WWC2: variants seen among roughly 807,000 people sequenced by gnomAD.
WWC2 encodes WW and C2 domain containing 2.
Under a neutral mutation model 138.5 loss-of-function variants are expected in WWC2, and 101 were observed. That is an observed-to-expected ratio of 0.73 (90% CI 0.62 to 0.86). The LOEUF is 0.86. Among genes scored for constraint, WWC2 ranks in the 40% least tolerant of loss-of-function variants. The probability of loss-of-function intolerance (pLI) is 0.00; values close to 1 mark genes in which losing one functional copy is unlikely to be tolerated. For missense variants in WWC2, 1,420 were observed against 1,419.4 expected, an observed-to-expected ratio of 1.00 and a Z score of -0.01; for synonymous variants, 558 against 538.4, an observed-to-expected ratio of 1.04 and a Z score of -0.50.
At position 183,316,058 on chromosome 4, in the gene WWC2, C is replaced by T. The variant is rs939834635; in HGVS notation, c.*329C>T. On this transcript the variant is annotated 3_prime_UTR_variant, in exon 23 of 23. Coordinates refer to ENST00000403733, the MANE Select transcript of WWC2 (RefSeq NM_024949.6). ...GTACCCCACATGTGTACTGTTGAGC[C>T]GGCTGTTGAGAAACAACTTGGTTCA... The T allele has an allele frequency of 5.4e-5, 11 of 202,740 alleles. No individual in the cohort carries two copies. The highest frequency in any genetic ancestry group is 9.4e-5 in the African/African-American group (4 of 42,678). The allele number at this position is 202,740 out of a possible 1,614,324, so 12.6% of individuals were successfully genotyped here.
At chr4:183,169,832 T>C (rs920892059) in intron 1 of WWC2, among the ~76,000 whole-genome samples, 2 of 152,194 alleles carry the variant, frequency 1.3e-5, no homozygotes, top group Non-Finnish European at 2.9e-5. Flanking sequence ...ATAATTATAT[T>C]ATCAAGTAAA....
intron 5 of WWC2, among the ~76,000 whole-genome samples, chr4:183,241,382 T>G (rs534225238): frequency 7.9e-5 from 12 of 152,318 alleles, no homozygotes; most frequent in African/African-American, 2.6e-4. Context: ...AACTGGTTGT[T>G]CTTGTTTGGG....
intron 9 of WWC2, among the ~76,000 whole-genome samples, chr4:183,256,800 G>A (rs907453365): frequency 2.6e-5 from 4 of 151,144 alleles, no homozygotes; most frequent in Non-Finnish European, 5.9e-5. Flanking sequence ...GTGACCTCTG[G>A]CAAGATTCCG....
chr4:183,261,383 A>C lies in WWC2; in HGVS notation c.1760A>C (p.Asp587Ala). Residue 587 changes from aspartate (D) to alanine (A), a missense_variant, in exon 11 of 23, where the codon GAC (aspartate) becomes GCC (alanine). Physicochemically the swap from Asp to Ala is moderately radical, Grantham distance 126. Transcript: ENST00000403733. Reference sequence around the variant, plus strand: ...CATCAGTTCACTGCTGACTTTGAAGACTGTGAGTTGAGTAGCCATTTTGCA... The same window carrying C: ...CATCAGTTCACTGCTGACTTTGAAGCCTGTGAGTTGAGTAGCCATTTTGCA... ...SLHQFTADFE[D>A]CELSSHFADI... The C allele has an allele frequency of 4.3e-6, 7 of 1,613,268 alleles. No individual in the cohort carries two copies. Among genetic ancestry groups the C allele is most frequent in the Non-Finnish European group, 5.9e-6 (7 of 1,179,628 alleles).
At chr4:183,204,986 A>G (rs1175252080) in intron 2 of WWC2, among the ~76,000 whole-genome samples, 1 of 152,250 alleles carries the variant, frequency 6.6e-6, no homozygotes, top group Non-Finnish European at 1.5e-5. Context: ...GATATACCAC[A>G]GTTTGCTTAG....
chr4:183,216,133 A>G (rs187061796), intron 4 of WWC2, among the ~76,000 whole-genome samples: 32 of 152,314 alleles, frequency 2.1e-4, no homozygotes, highest in Admixed American at 3.9e-4. Flanking sequence ...ACATGTTCAC[A>G]CTGAATTTTG....
At chr4:183,263,983 T>C (rs1004866765) in intron 11 of WWC2, among the ~76,000 whole-genome samples, 4 of 152,188 alleles carry the variant, frequency 2.6e-5, no homozygotes, top group Non-Finnish European at 5.9e-5. Context: ...TGCAAAGGCC[T>C]TCCGCAGTCA....
chr4:183,132,602 C>T (rs1443941055), intron 1 of WWC2, among the ~76,000 whole-genome samples: 8 of 151,650 alleles, frequency 5.3e-5, no homozygotes, highest in Non-Finnish European at 8.8e-5. Flanking sequence ...TACAGGCGCC[C>T]GCTACCACGC....
chr4:183,210,378 T>C (rs1735562962), intron 4 of WWC2, among the ~76,000 whole-genome samples: 1 of 152,112 alleles, frequency 6.6e-6, no homozygotes, highest in Non-Finnish European at 1.5e-5. Context: ...ATGTACAACA[T>C]GAGGACTATA....
Position 183,099,593 on chromosome 4 carries a change from G to A in WWC2, c.102G>A (p.Arg34=). ...TCTTCTACATTGACCACAACACCAGGAGGACCAGCTGGATCGACCCCCGGG... is the reference window on the plus strand; with the variant it reads ...TCTTCTACATTGACCACAACACCAGAAGGACCAGCTGGATCGACCCCCGGG... ...GKVFYIDHNT[R]RTSWIDPRDR... The change falls in exon 1 of 23, where the codon AGG becomes AGA. Residue 34 remains arginine (R), a synonymous_variant. Coordinates refer to ENST00000403733, the MANE Select transcript of WWC2 (RefSeq NM_024949.6). 5 of 1,392,558 alleles carry A rather than the reference G, an allele frequency of 3.6e-6. No individual in the cohort carries two copies. Among genetic ancestry groups the A allele is most frequent in the Non-Finnish European group, 4.7e-6 (5 of 1,055,480 alleles). 86.3% of individuals were successfully genotyped at this position (1,392,558 alleles called of 1,614,324 possible). A position where few individuals can be genotyped will look rare whatever the true frequency, so the allele number is the denominator to read the frequency against.
intron 20 of WWC2, among the ~76,000 whole-genome samples, chr4:183,286,338 G>T (rs1169207783): frequency 1.3e-5 from 2 of 152,034 alleles, no homozygotes; most frequent in African/African-American, 4.8e-5. Context: ...AGCCTGCAGG[G>T]GTATCAGACG....
At chr4:183,269,904 A>G (rs1296343930) in intron 15 of WWC2, 1 of 159,850 alleles carries the variant, frequency 6.3e-6, no homozygotes, top group African/African-American at 2.4e-5. Flanking sequence ...ATGTCCCAGT[A>G]AAGTTACATA....
At chr4:183,247,603 T>C (rs906692838) in intron 6 of WWC2, among the ~76,000 whole-genome samples, 2 of 133,306 alleles carry the variant, frequency 1.5e-5, no homozygotes, top group Non-Finnish European at 3.2e-5. Flanking sequence ...ATGCTATATA[T>C]GCTATATATA....
At chr4:183,124,464 CTCTT>C (rs1262425417) in intron 1 of WWC2, among the ~76,000 whole-genome samples, 2 of 150,460 alleles carry the variant, frequency 1.3e-5, no homozygotes, top group East Asian at 1.9e-4. Context: ...ATACAAATGA[CTCTT>C]TCTAATTCGG....
At position 183,265,089 on chromosome 4, in the gene WWC2, A is replaced by C. The variant is rs760051289; in HGVS notation, c.2021A>C (p.Tyr674Ser). ...DESVAGDSGV[Y>S]EAFVKQPSEM... is the part of the protein sequence containing the mutation. ...TCTGTGGCTGGAGACAGTGGGGTCT[A>C]TGAAGCTTTCGTGAAACAGTAAGGA... is the stretch of plus-strand genomic sequence containing the variant. The change falls in exon 12 of 23, where the codon TAT becomes TCT. Residue 674 changes from tyrosine (Y) to serine (S), a missense_variant. Coordinates refer to ENST00000403733, the MANE Select transcript of WWC2 (RefSeq NM_024949.6). 1 of 1,609,178 alleles carries C rather than the reference A, an allele frequency of 6.2e-7. No homozygotes were observed. Among genetic ancestry groups the C allele is most frequent in the Non-Finnish European group, 8.5e-7 (1 of 1,177,928 alleles).
chr4:183,216,391 G>A (rs1037926291), intron 4 of WWC2, among the ~76,000 whole-genome samples: 2 of 152,152 alleles, frequency 1.3e-5, no homozygotes, highest in East Asian at 3.8e-4. Context: ...TAGAGAGAAG[G>A]TGATATTGGT....
chr4:183,223,249 A>C (rs1283271066), intron 4 of WWC2, among the ~76,000 whole-genome samples: 1 of 152,222 alleles, frequency 6.6e-6, no homozygotes, highest in Admixed American at 6.5e-5. Flanking sequence ...GTTCTGTGTA[A>C]GTGTACTCTG....
At chr4:183,222,503 A>G (rs937835136) in intron 4 of WWC2, among the ~76,000 whole-genome samples, 3 of 152,090 alleles carry the variant, frequency 2.0e-5, no homozygotes, top group Non-Finnish European at 2.9e-5. Flanking sequence ...ATTATAAAAC[A>G]TTTTTGAAGG....
At chr4:183,226,467 A>C (rs1736076277) in intron 4 of WWC2, among the ~76,000 whole-genome samples, 1 of 152,074 alleles carries the variant, frequency 6.6e-6, no homozygotes, top group African/African-American at 2.4e-5. Flanking sequence ...GTAGGCTGCA[A>C]CTAAAGCAGT....
Sources: gnomAD v4.1 joint callset for allele counts (sites outside exome capture counted in the v4.1 genomes callset) on GRCh38, gnomAD v4.1.1 for gene constraint, MANE v1.5 for transcripts, NCBI Gene and HGNC (gene_info 2026-07-23, HGNC 2026-07-21) for gene names.